The following ADCY2 variants were observed in gnomAD, a reference collection of about 807,000 sequenced individuals.
ADCY2 encodes adenylate cyclase type 2.
Under a neutral mutation model 125.2 loss-of-function variants are expected in ADCY2, and 31 were observed. That is an observed-to-expected ratio of 0.25 (90% CI 0.19 to 0.33). The LOEUF (loss-of-function observed/expected upper bound fraction) is 0.33. Among genes scored for constraint, ADCY2 ranks in the 10% least tolerant of loss-of-function variants. The pLI is 1.00. For missense variants in ADCY2, 904 were observed against 1,418.2 expected (o/e 0.64, Z 5.82); for synonymous variants, 512 against 548.4 (o/e 0.93, Z 0.93).
At chr5:7,621,215 G>A (rs770835132) in intron 3 of ADCY2, among the ~76,000 whole-genome samples, 29 of 152,268 alleles carry the variant, frequency 1.9e-4, no homozygotes, top group Middle Eastern at 3.4e-3. Flanking sequence ...ACCTGGATGA[G>A]AGCAGCCTGA....
intron 5 of ADCY2, among the ~76,000 whole-genome samples, chr5:7,695,390 A>G (rs1189183286): frequency 6.6e-6 from 1 of 152,230 alleles, no homozygotes; most frequent in Non-Finnish European, 1.5e-5. Context: ...TCTGAACGTC[A>G]GGAAGATATT....
At chr5:7,748,644 T>C (rs1487401127) in intron 15 of ADCY2, among the ~76,000 whole-genome samples, 1 of 152,040 alleles carries the variant, frequency 6.6e-6, no homozygotes, top group Non-Finnish European at 1.5e-5. Flanking sequence ...GCAATGACTA[T>C]GAGGTCTGCA....
intron 16 of ADCY2, among the ~76,000 whole-genome samples, chr5:7,765,302 T>C (rs577784692): frequency 6.6e-6 from 1 of 151,062 alleles, no homozygotes; most frequent in South Asian, 2.1e-4. Context: ...TCAATTGAAT[T>C]TTTGGTCTAT....
chr5:7,590,805 A>G (rs1324042662), intron 3 of ADCY2, among the ~76,000 whole-genome samples: 1 of 152,174 alleles, frequency 6.6e-6, no homozygotes, highest in Non-Finnish European at 1.5e-5. Flanking sequence ...AGGGTCCAGT[A>G]TGTTTTTGCT....
chr5:7,485,648 A>G (rs1460412946), intron 2 of ADCY2, among the ~76,000 whole-genome samples: 1 of 152,214 alleles, frequency 6.6e-6, no homozygotes, highest in African/African-American at 2.4e-5. Flanking sequence ...GAACTATCCT[A>G]AGAACATAAT....
intron 3 of ADCY2, among the ~76,000 whole-genome samples, chr5:7,556,966 C>A (rs1297105553): frequency 6.6e-6 from 1 of 151,702 alleles, no homozygotes; most frequent in Non-Finnish European, 1.5e-5. Flanking sequence ...CCAAAGAGCA[C>A]CAACTACAAA....
chr5:7,811,403 A>C (rs528673718), intron 22 of ADCY2, among the ~76,000 whole-genome samples: 79 of 151,970 alleles, frequency 5.2e-4, no homozygotes, highest in Non-Finnish European at 2.2e-4. Flanking sequence ...CGGGAGGCTG[A>C]GGCAGGAGAA....
intron 20 of ADCY2, chr5:7,798,573 C>CCTTTTT (rs1744495313): frequency 8.7e-6 from 1 of 115,344 alleles, no homozygotes; most frequent in Non-Finnish European, 1.7e-5. Context: ...TTGACTATTT[C>CCTTTTT]TTTTTTTTTT....
chr5:7,439,348 A>G (rs758495144), intron 2 of ADCY2, among the ~76,000 whole-genome samples: 12 of 152,132 alleles, frequency 7.9e-5, no homozygotes, highest in Admixed American at 3.3e-4. Context: ...GAGCTTGTAC[A>G]GGGGAACTTC....
chr5:7,681,734 C>T (rs1740346291), intron 4 of ADCY2, among the ~76,000 whole-genome samples: 1 of 152,042 alleles, frequency 6.6e-6, no homozygotes, highest in Non-Finnish European at 1.5e-5. Context: ...GTGGTACTCG[C>T]CCCAAGAGCA....
At chr5:7,680,319 C>T (rs1233971841) in intron 4 of ADCY2, among the ~76,000 whole-genome samples, 1 of 152,124 alleles carries the variant, frequency 6.6e-6, no homozygotes, top group African/African-American at 2.4e-5. Context: ...GCACGTCAGC[C>T]CCCCACAGCA....
chr5:7,774,651 T>G (rs1408195048), intron 18 of ADCY2, among the ~76,000 whole-genome samples: 1 of 152,092 alleles, frequency 6.6e-6, no homozygotes, highest in East Asian at 1.9e-4. Flanking sequence ...AGTTATCAGG[T>G]TGAAGAAAAG....
chr5:7,548,282 T>C (rs1735214882), intron 3 of ADCY2, among the ~76,000 whole-genome samples: 1 of 152,022 alleles, frequency 6.6e-6, no homozygotes, highest in Non-Finnish European at 1.5e-5. Flanking sequence ...AAAGTAGTCA[T>C]GAAGGGTCTA....
chr5:7,468,512 G>GT (rs539532435), intron 2 of ADCY2, among the ~76,000 whole-genome samples: 3 of 152,034 alleles, frequency 2.0e-5, no homozygotes, highest in Admixed American at 6.6e-5. Context: ...TTCTGTGATT[G>GT]TTTTTTCAGT....
chr5:7,748,564 A>ACACACAC (rs1742709631), intron 15 of ADCY2, among the ~76,000 whole-genome samples: 4 of 149,550 alleles, frequency 2.7e-5, no homozygotes, highest in Non-Finnish European at 4.5e-5. Context: ...ACACACACAC[A>ACACACAC]AAATGCTGAA....
At chr5:7,536,718 A>G (rs1734824611) in intron 3 of ADCY2, among the ~76,000 whole-genome samples, 1 of 151,994 alleles carries the variant, frequency 6.6e-6, no homozygotes, top group South Asian at 2.1e-4. Flanking sequence ...TTCTCAGCGA[A>G]CTATCACAGA....
At chr5:7,438,070 T>C (rs1339338005) in intron 2 of ADCY2, among the ~76,000 whole-genome samples, 1 of 152,228 alleles carries the variant, frequency 6.6e-6, no homozygotes, top group Non-Finnish European at 1.5e-5. Context: ...TCTATTTATT[T>C]CCCTTTTGTG....
At chr5:7,674,433 C>A (rs533937106) in intron 4 of ADCY2, among the ~76,000 whole-genome samples, 1 of 152,146 alleles carries the variant, frequency 6.6e-6, no homozygotes, top group Non-Finnish European at 1.5e-5. Flanking sequence ...CGCGCCATTT[C>A]GAGTGTGCTC....
At chr5:7,593,568 A>T (rs1040530933) in intron 3 of ADCY2, among the ~76,000 whole-genome samples, 1 of 152,188 alleles carries the variant, frequency 6.6e-6, no homozygotes, top group African/African-American at 2.4e-5. Flanking sequence ...TGAGAAAAAA[A>T]AAATAGCCAA....
Sources: allele counts gnomAD v4.1 joint callset (sites outside exome capture counted in the v4.1 genomes callset), GRCh38; gene constraint gnomAD v4.1.1; transcripts MANE v1.5; gene names NCBI Gene and HGNC (gene_info 2026-07-23, HGNC 2026-07-21).